Variants in PSKH1 observed in about 807,000 individuals in gnomAD.
The protein encoded by PSKH1 is serine/threonine-protein kinase H1.
A neutral mutation model predicts 26.7 loss-of-function variants in PSKH1; 12 were observed. The observed-to-expected ratio is 0.45, with a 90% CI of 0.29 to 0.73. The LOEUF (loss-of-function observed/expected upper bound fraction) is 0.73. Among genes scored for constraint, PSKH1 ranks in the 30% least tolerant of loss-of-function variants. The probability of loss-of-function intolerance (pLI) is 0.11; values close to 1 mark genes in which losing one functional copy is unlikely to be tolerated. For synonymous variants in PSKH1, 213 were observed against 234.3 expected (o/e 0.91, Z 0.83); for missense variants, 431 against 595.2 (o/e 0.72, Z 2.87).
chr16:67,918,739 C>T (rs2058194340), intron 2 of PSKH1, among the ~76,000 whole-genome samples: 1 of 151,782 alleles, frequency 6.6e-6, no homozygotes, highest in African/African-American at 2.4e-5. Context: ...TTATAGGTGC[C>T]AGCCACCACA....
intron 1 of PSKH1, among the ~76,000 whole-genome samples, chr16:67,899,373 T>A (rs755191935): frequency 6.7e-6 from 1 of 148,342 alleles, no homozygotes; most frequent in Non-Finnish European, 1.5e-5. Context: ...TCTCGCTCTA[T>A]GGCCCAGGCT....
At chr16:67,907,234 G>A (rs1000528494) in intron 1 of PSKH1, among the ~76,000 whole-genome samples, 6 of 150,248 alleles carry the variant, frequency 4.0e-5, no homozygotes, top group Non-Finnish European at 8.9e-5. Flanking sequence ...AAGTGCTGAG[G>A]TTACAGACCT....
chr16:67,897,098 A>G (rs796319952), intron 1 of PSKH1, among the ~76,000 whole-genome samples: 7 of 152,342 alleles, frequency 4.6e-5, no homozygotes, highest in African/African-American at 1.7e-4. Context: ...GTGCCAAAGT[A>G]TCGACCCTTA....
chr16:67,896,289 A>G (rs181679898), intron 1 of PSKH1, among the ~76,000 whole-genome samples: 57 of 151,976 alleles, frequency 3.8e-4, no homozygotes, highest in African/African-American at 1.1e-3. Context: ...TTGTATTTTT[A>G]GTAGAGACGA....
At chr16:67,893,667 G>A (rs564666433) in intron 1 of PSKH1, among the ~76,000 whole-genome samples, 2 of 152,362 alleles carry the variant, frequency 1.3e-5, no homozygotes, top group East Asian at 3.9e-4. Context: ...CTGTTCAGCC[G>A]CCCCGCGTCC....
At position 67,908,674 on chromosome 16, in the gene PSKH1, G is replaced by T. The variant is rs1469581533; in HGVS notation, c.-70-6G>T. ...CTGTGCTGACTTGTTCTCTCTTTGT[G>T]TGTAGGTGTAGACGGGGCACTGCCT... On this transcript the variant is annotated splice_polypyrimidine_tract_variant and splice_region_variant and intron_variant, in intron 1 of 2. Coordinates refer to ENST00000291041, the MANE Select transcript of PSKH1 (RefSeq NM_006742.3). The T allele has an allele frequency of 1.2e-5, 15 of 1,260,168 alleles. No individual in the cohort carries two copies. In the Admixed American group the frequency reaches 3.4e-4, roughly 29 times the overall value. The allele number at this position is 1,260,168 out of a possible 1,614,324, so 78.1% of individuals were successfully genotyped here.
In PSKH1 at chr16:67,908,939, G is replaced by A. The variant is rs139742716; in HGVS notation, c.190G>A (p.Gly64Ser). 2.7e-4 allele frequency: 441 copies of A among 1,613,692 alleles called. 1 individual carries two copies. Among genetic ancestry groups the A allele is most frequent in the Non-Finnish European group, 3.6e-4 (423 of 1,179,850 alleles). Residue 64 changes from glycine (G) to serine (S), a missense_variant, in exon 2 of 3, where the codon GGT becomes AGT. Physicochemically the swap from Gly to Ser is moderately conservative, Grantham distance 56. Transcript: ENST00000291041. ...AASQYAHPCP[G>S]PPTAGHTEPP... The stretch of plus-strand genomic sequence containing the variant: ...AAGTCAGTATGCACACCCCTGCCCC[G>A]GTCCCCCGACTGCTGGCCACACGGA...
intron 1 of PSKH1, among the ~76,000 whole-genome samples, chr16:67,907,864 G>T (rs1038441774): frequency 2.6e-5 from 4 of 152,162 alleles, no homozygotes; most frequent in African/African-American, 9.6e-5. Flanking sequence ...AGCCTAAAGG[G>T]CTGGGAAAGA....
intron 2 of PSKH1, among the ~76,000 whole-genome samples, chr16:67,918,890 C>T (rs571856352): frequency 1.3e-5 from 2 of 152,290 alleles, no homozygotes; most frequent in African/African-American, 4.8e-5. Context: ...CCACACTCGA[C>T]CTCCCCACTT....
intron 2 of PSKH1, among the ~76,000 whole-genome samples, chr16:67,923,452 G>T (rs1291938902): frequency 1.3e-5 from 2 of 152,164 alleles, no homozygotes; most frequent in African/African-American, 2.4e-5. Flanking sequence ...TCGAAGTGCT[G>T]GGATTAGAGG....
intron 1 of PSKH1, among the ~76,000 whole-genome samples, chr16:67,905,223 T>C (rs2058153016): frequency 6.6e-6 from 1 of 152,162 alleles, no homozygotes. Context: ...GTAAACCCTT[T>C]CGTAGCTCTC....
chr16:67,915,774 G>A (rs9935004), intron 2 of PSKH1, among the ~76,000 whole-genome samples: 5,685 of 152,264 alleles, frequency 0.037, 303 homozygotes, highest in African/African-American at 0.12. Flanking sequence ...AACCTGGCAT[G>A]CTTTTATAGC....
intron 2 of PSKH1, among the ~76,000 whole-genome samples, chr16:67,914,818 G>A (rs751409054): frequency 1.3e-5 from 2 of 152,192 alleles, no homozygotes; most frequent in Non-Finnish European, 2.9e-5. Context: ...TGTTCTGGGA[G>A]CACTGCATGG....
chr16:67,897,355 C>T (rs2058129296), intron 1 of PSKH1, among the ~76,000 whole-genome samples: 1 of 152,210 alleles, frequency 6.6e-6, no homozygotes, highest in African/African-American at 2.4e-5. Context: ...TAGGTCATCA[C>T]TGAGCTAATT....
At position 67,927,231 on chromosome 16, in the gene PSKH1, T is replaced by C. The variant is rs2058219693; in HGVS notation, c.958-94T>C. ...CATGAGAGGAGGGGCAGCACCTCTC[T>C]CTGGAAAGGGGAGGGTTGCTGAGTA... is the stretch of plus-strand genomic sequence containing the variant. On this transcript the variant is annotated intron_variant, in intron 2 of 2. Coordinates refer to ENST00000291041, the MANE Select transcript of PSKH1 (RefSeq NM_006742.3). This position sits in a 1 kb window ranked among gnomAD's most constrained non-coding sequence, Gnocchi z 5.5. 1 of 1,303,934 alleles carries C rather than the reference T, an allele frequency of 7.7e-7. No homozygotes were observed. The highest frequency in any genetic ancestry group is 1.5e-5 in the African/African-American group (1 of 67,812). The allele number at this position is 1,303,934 out of a possible 1,614,324, so 80.8% of individuals were successfully genotyped here.
Position 67,909,852 on chromosome 16 carries a change from C to G in PSKH1, c.957+146C>G, listed in dbSNP as rs746048464. Reference sequence around the variant, plus strand: ...TATAAAAGGGACAAAGTGAGACTATCAGAATGTAGTTTGGGTTCCCTCAAG... The same window carrying G: ...TATAAAAGGGACAAAGTGAGACTATGAGAATGTAGTTTGGGTTCCCTCAAG... On this transcript the variant is annotated intron_variant, in intron 2 of 2. Coordinates refer to ENST00000291041, the MANE Select transcript of PSKH1 (RefSeq NM_006742.3). This position sits in a 1 kb window ranked among gnomAD's most constrained non-coding sequence, Gnocchi z 7.8. 2.4e-5 allele frequency: 18 copies of G among 745,722 alleles called. No homozygotes were observed. The highest frequency in any genetic ancestry group is 3.5e-5 in the African/African-American group (2 of 56,840). The allele number at this position is 745,722 out of a possible 1,614,324, so 46.2% of individuals were successfully genotyped here. A position where few individuals can be genotyped will look rare whatever the true frequency, so the allele number is the denominator to read the frequency against.
chr16:67,918,536 C>T (rs1452228433), intron 2 of PSKH1, among the ~76,000 whole-genome samples: 1 of 151,176 alleles, frequency 6.6e-6, no homozygotes, highest in Non-Finnish European at 1.5e-5. Flanking sequence ...GTTGACCATA[C>T]ATTGATCTGG....
intron 2 of PSKH1, among the ~76,000 whole-genome samples, chr16:67,924,839 G>A (rs1160601364): frequency 6.6e-6 from 1 of 152,202 alleles, no homozygotes; most frequent in African/African-American, 2.4e-5. Flanking sequence ...TCTCCATCAA[G>A]CTTCTTTCTG....
At chr16:67,919,344 G>C (rs940846803) in intron 2 of PSKH1, among the ~76,000 whole-genome samples, 1 of 152,146 alleles carries the variant, frequency 6.6e-6, no homozygotes, top group African/African-American at 2.4e-5. Context: ...GCTTTCCCAC[G>C]ACTGTCTCAA....
Sources: gnomAD v4.1 joint callset for allele counts (sites outside exome capture counted in the v4.1 genomes callset) on GRCh38, gnomAD v4.1.1 for gene constraint, Gnocchi (gnomAD v3.1) non-coding constraint, MANE v1.5 for transcripts, NCBI Gene and HGNC (gene_info 2026-07-23, HGNC 2026-07-21) for gene names.